Variants in CA8 observed in about 807,000 individuals in gnomAD.
CA8 encodes carbonic anhydrase 8 (inactive).
CA8 carries 22 observed loss-of-function variants against 41.4 expected under a neutral mutation model. The observed-to-expected ratio is 0.53, with a 90% CI of 0.38 to 0.76. The LOEUF is 0.76. Among genes scored for constraint, CA8 ranks in the 30% least tolerant of loss-of-function variants. The pLI is 0.00. For missense variants in CA8, 270 were observed against 352.8 expected (o/e 0.77, Z 1.88); for synonymous variants, 121 against 130.6 (o/e 0.93, Z 0.50).
rs1287236294 is a variant in CA8 at position 60,247,350 on chromosome 8, T to C, written c.418-14971A>G. ...GTTTGCTGCACCTATCAACCCATAATCTAGGTTTTAAGCCCCACATGCATT... is the reference window on the plus strand; with the variant it reads ...GTTTGCTGCACCTATCAACCCATAACCTAGGTTTTAAGCCCCACATGCATT... On this transcript the variant is annotated intron_variant, in intron 3 of 8. Coordinates refer to ENST00000317995, the MANE Select transcript of CA8 (RefSeq NM_004056.6). Among the ~76,000 whole-genome samples, 4 of 152,226 alleles carry C rather than the reference T, an allele frequency of 2.6e-5. No individual in the cohort carries two copies. The East Asian group carries it at 7.7e-4, about 29-fold the overall frequency.
chr8:60,223,292 A>ATT (rs113084249), intron 6 of CA8, among the ~76,000 whole-genome samples: 6 of 149,918 alleles, frequency 4.0e-5, no homozygotes, highest in African/African-American at 1.2e-4. Flanking sequence ...CATAACCTGT[A>ATT]TTTTTTTTTT....
chr8:60,196,654 T>C (rs138451993), intron 8 of CA8, among the ~76,000 whole-genome samples: 194 of 152,302 alleles, frequency 1.3e-3, no homozygotes, highest in Middle Eastern at 6.8e-3. Context: ...CAATGCAAAT[T>C]AAAAATCCTA....
intron 7 of CA8, among the ~76,000 whole-genome samples, chr8:60,219,929 TAAA>T (rs546162939): frequency 7.3e-5 from 6 of 82,016 alleles, no homozygotes; most frequent in African/African-American, 1.4e-4. Flanking sequence ...AATCTTAACT[TAAA>T]AAAAAAAAAA....
rs57176356 is a variant in CA8 at position 60,186,541 on chromosome 8, A to G, written c.*3480T>C. The stretch of plus-strand genomic sequence containing the variant: ...TGGAAAACAAAAAGTAAAATGGCAG[A>G]CACAAATCCAACTATATAAACAATA... On this transcript the variant is annotated 3_prime_UTR_variant, in exon 9 of 9. Transcript: ENST00000317995. 6.6e-6 allele frequency among the ~76,000 whole-genome samples: 1 copy of G among 151,976 alleles called. No individual in the cohort carries two copies. The highest frequency in any genetic ancestry group is 2.4e-5 in the African/African-American group (1 of 41,450).
At chr8:60,226,070 C>T (rs1426361063) in intron 5 of CA8, among the ~76,000 whole-genome samples, 1 of 152,228 alleles carries the variant, frequency 6.6e-6, no homozygotes, top group East Asian at 1.9e-4. Context: ...TATCTTACCA[C>T]ATATGTGTAC....
At chr8:60,207,641 C>A (rs1405891129) in intron 8 of CA8, among the ~76,000 whole-genome samples, 2 of 152,226 alleles carry the variant, frequency 1.3e-5, no homozygotes, top group Non-Finnish European at 2.9e-5. Context: ...TAGCTATAAC[C>A]TGCGATTTCT....
intron 3 of CA8, among the ~76,000 whole-genome samples, chr8:60,262,335 CAAA>C (rs11424117): frequency 3.7e-5 from 4 of 109,310 alleles, no homozygotes; most frequent in Non-Finnish European, 3.9e-5. Flanking sequence ...AGCAAAATGG[CAAA>C]AAAAAAAAAA....
chr8:60,233,794 CA>C lies in CA8; in HGVS notation c.418-1416del, dbSNP rs139709935. Among the ~76,000 whole-genome samples the C allele has an allele frequency of 3.2e-3, 493 of 152,268 alleles. 18 individuals carry two copies. The East Asian group carries it at 0.082, about 25-fold the overall frequency. Reference sequence around the variant, plus strand: ...TACTTCTCACAGCAATATTTTGGGGCATTTTTTTAAACAAAACATTAATAAA... The same window carrying C: ...TACTTCTCACAGCAATATTTTGGGGCTTTTTTTAAACAAAACATTAATAAA... On this transcript the variant is annotated intron_variant, in intron 3 of 8. Coordinates refer to ENST00000317995, the MANE Select transcript of CA8 (RefSeq NM_004056.6).
At chr8:60,203,895 A>C (rs1418380444) in intron 8 of CA8, among the ~76,000 whole-genome samples, 5 of 152,128 alleles carry the variant, frequency 3.3e-5, no homozygotes, top group Non-Finnish European at 5.9e-5. Context: ...TTCCATGATA[A>C]ATTTAATAGA....
chr8:60,278,400 G>T (rs1804307971), intron 2 of CA8, among the ~76,000 whole-genome samples: 2 of 152,124 alleles, frequency 1.3e-5, no homozygotes, highest in Admixed American at 1.3e-4. Context: ...ATGTATTTTT[G>T]TTTTGTGGAT....
chr8:60,216,348 GTGTGTC>G (rs1807021210), intron 7 of CA8, among the ~76,000 whole-genome samples: 1 of 152,190 alleles, frequency 6.6e-6, no homozygotes, highest in Non-Finnish European at 1.5e-5. Context: ...ATACGTAAAT[GTGTGTC>G]TGTGTGTGTC....
intron 8 of CA8, among the ~76,000 whole-genome samples, chr8:60,198,926 A>G (rs2089663500): frequency 6.6e-6 from 1 of 152,076 alleles, no homozygotes; most frequent in Non-Finnish European, 1.5e-5. Context: ...CGCTAAATAT[A>G]ATTATTATTT....
chr8:60,211,386 C>T (rs1175235109), intron 7 of CA8, among the ~76,000 whole-genome samples: 1 of 152,208 alleles, frequency 6.6e-6, no homozygotes, highest in African/African-American at 2.4e-5. Context: ...TCTCTCCTAG[C>T]ATTCGCTTTC....
chr8:60,246,594 G>A (rs972903873), intron 3 of CA8, among the ~76,000 whole-genome samples: 4 of 152,034 alleles, frequency 2.6e-5, no homozygotes, highest in South Asian at 2.1e-4. Flanking sequence ...CACTGTGCCC[G>A]GCCACACATT....
At chr8:60,216,367 C>T (rs1807021881) in intron 7 of CA8, among the ~76,000 whole-genome samples, 1 of 152,216 alleles carries the variant, frequency 6.6e-6, no homozygotes, top group Non-Finnish European at 1.5e-5. Context: ...TGTGTGTCTA[C>T]ATTTTAACTC....
At chr8:60,229,268 T>C (rs1807555728) in intron 4 of CA8, among the ~76,000 whole-genome samples, 1 of 152,162 alleles carries the variant, frequency 6.6e-6, no homozygotes, top group Admixed American at 6.5e-5. Flanking sequence ...CATTTCCTGA[T>C]CTACCTGAAC....
intron 5 of CA8, 127 bp downstream of exon 5, chr8:60,226,746 C>T: frequency 1.5e-6 from 1 of 684,408 alleles, no homozygotes; most frequent in Non-Finnish European, 2.7e-6. Flanking sequence ...TGTAATAAAC[C>T]ATAACCACAA....
chr8:60,240,867 T>G lies in CA8; in HGVS notation c.418-8488A>C, dbSNP rs186667292. ...AGCACTCAGAGGGGGCTATAAAATTTTGAAAAAGAAAAAAAAAGATTATAT... is the reference window on the plus strand; with the variant it reads ...AGCACTCAGAGGGGGCTATAAAATTGTGAAAAAGAAAAAAAAAGATTATAT... On this transcript the variant is annotated intron_variant, in intron 3 of 8. Coordinates refer to ENST00000317995, the MANE Select transcript of CA8 (RefSeq NM_004056.6). Among the ~76,000 whole-genome samples the G allele has an allele frequency of 6.3e-4, 95 of 151,374 alleles. 1 individual carries two copies. In the East Asian group the frequency reaches 0.015, roughly 24 times the overall value.
chr8:60,235,030 T>C (rs994012196), intron 3 of CA8, among the ~76,000 whole-genome samples: 3 of 152,316 alleles, frequency 2.0e-5, no homozygotes, highest in African/African-American at 4.8e-5. Context: ...GGCACAGCAC[T>C]CTGCACCTGC....
Sources: gnomAD v4.1 joint callset for allele counts (sites outside exome capture counted in the v4.1 genomes callset) on GRCh38, gnomAD v4.1.1 for gene constraint, MANE v1.5 for transcripts, NCBI Gene and HGNC (gene_info 2026-07-23, HGNC 2026-07-21) for gene names.